The following DCAF8L2 variants were observed in gnomAD, a reference collection of about 807,000 sequenced individuals.
DCAF8L2 encodes the protein DDB1 and CUL4 associated factor 8 like 2, also known as DDB1- and CUL4-associated factor 8-like protein 2.
For missense variants in DCAF8L2, 430 were observed against 490.7 expected, an observed-to-expected ratio of 0.88 and a Z score of 1.17; for synonymous variants, 200 against 190.9, an observed-to-expected ratio of 1.05 and a Z score of -0.39.
At chrX:27,642,182 C>T (rs959117523) in intron 2 of DCAF8L2, among the ~76,000 whole-genome samples, 4 of 110,869 alleles carry the variant, frequency 3.6e-5, no homozygotes, top group African/African-American at 1.3e-4. Context: ...CGTGAGCCAC[C>T]GTGCCTGGCC....
chrX:27,746,673 G>A, intron 4 of DCAF8L2, 165 bp from the exon 5 acceptor site: 1 of 369,477 alleles, frequency 2.7e-6, no homozygotes, highest in African/African-American at 2.5e-5. Flanking sequence ...GCGAGGCGGC[G>A]AGCAGGTAAG....
the DCAF8L2 span, among the ~76,000 whole-genome samples, chrX:27,566,687 CTTTTA>C: frequency 2.7e-5 from 3 of 110,921 alleles, no homozygotes; most frequent in East Asian, 5.7e-4. Flanking sequence ...GAAAAACCAA[CTTTTA>C]TTTTTTCTAT....
chrX:27,688,590 GTAT>G (rs745907187), intron 3 of DCAF8L2, among the ~76,000 whole-genome samples: 369 of 111,156 alleles, frequency 3.3e-3, no homozygotes, highest in African/African-American at 0.011. Flanking sequence ...CTTTTTTGTT[GTAT>G]TATTATTATT....
chrX:27,600,050 G>A (rs997532266), intron 1 of DCAF8L2, among the ~76,000 whole-genome samples: 4 of 111,879 alleles, frequency 3.6e-5, no homozygotes, highest in African/African-American at 1.3e-4. Flanking sequence ...CATGAGAGTG[G>A]TTATTTTTAT....
intron 1 of DCAF8L2, among the ~76,000 whole-genome samples, chrX:27,601,863 C>T (rs1436652466): frequency 1.8e-5 from 2 of 111,023 alleles, no homozygotes; most frequent in Non-Finnish European, 3.8e-5. Context: ...GGTACCAAGT[C>T]CTGTGTATTC....
At chrX:27,522,279 G>A in the DCAF8L2 span, among the ~76,000 whole-genome samples, 3 of 111,842 alleles carry the variant, frequency 2.7e-5, no homozygotes, top group Admixed American at 1.9e-4. Context: ...CGCCTGCCTC[G>A]GCCTCCCAAA....
At chrX:27,694,142 A>T (rs1231444126) in intron 3 of DCAF8L2, among the ~76,000 whole-genome samples, 1 of 111,525 alleles carries the variant, frequency 9.0e-6, no homozygotes, top group African/African-American at 3.3e-5. Flanking sequence ...TCTCAACTAT[A>T]AGTGGAAGCT....
At chrX:27,564,944 A>T in the DCAF8L2 span, among the ~76,000 whole-genome samples, 882 of 109,801 alleles carry the variant, frequency 8.0e-3, 5 homozygotes, top group African/African-American at 0.028. Flanking sequence ...ATCCCAAAGT[A>T]CTGGGATTAT....
chrX:27,483,366 A>G, the DCAF8L2 span, among the ~76,000 whole-genome samples: 7 of 112,090 alleles, frequency 6.2e-5, no homozygotes, highest in African/African-American at 2.3e-4. Flanking sequence ...GTAGTAAATG[A>G]ATAAAAGTAG....
chrX:27,524,229 G>T, the DCAF8L2 span, among the ~76,000 whole-genome samples: 1 of 111,524 alleles, frequency 9.0e-6, no homozygotes, highest in Non-Finnish European at 1.9e-5. Context: ...TCTATTCAGG[G>T]ATTCAACTTC....
chrX:27,481,563 A>G, the DCAF8L2 span, among the ~76,000 whole-genome samples: 9 of 111,382 alleles, frequency 8.1e-5, no homozygotes, highest in African/African-American at 2.9e-4. Flanking sequence ...TATAATAGCC[A>G]AAAGGCTATT....
intron 2 of DCAF8L2, among the ~76,000 whole-genome samples, chrX:27,665,691 C>A (rs1929716000): frequency 9.0e-6 from 1 of 111,316 alleles, no homozygotes; most frequent in African/African-American, 3.3e-5. Flanking sequence ...ATTACCATAG[C>A]CACCCCAACC....
chrX:27,688,354 A>G (rs889340411), intron 3 of DCAF8L2, among the ~76,000 whole-genome samples: 15 of 112,055 alleles, frequency 1.3e-4, no homozygotes, highest in African/African-American at 4.5e-4. Flanking sequence ...CACCTAAGCA[A>G]GTCAAGGGAA....
chrX:27,585,230 G>A, the DCAF8L2 span, among the ~76,000 whole-genome samples: 11 of 110,708 alleles, frequency 9.9e-5, no homozygotes, highest in East Asian at 3.1e-3. Context: ...TTAATTTCAT[G>A]GAGTTTTATG....
rs941707922 is a variant in DCAF8L2 at position 27,724,990 on chromosome X, A to G, written c.-59+8819A>G. Among the ~76,000 whole-genome samples the G allele has an allele frequency of 9.0e-5, 10 of 111,576 alleles. No individual in the cohort carries two copies. In the East Asian group the frequency reaches 1.9e-3, roughly 22 times the overall value. Reference sequence around the variant, plus strand: ...AATATTTAAACATATTTGACTCTAAATAATTATTACAGAAAACAAATAAAA... The same window carrying G: ...AATATTTAAACATATTTGACTCTAAGTAATTATTACAGAAAACAAATAAAA... On this transcript the variant is annotated intron_variant, in intron 4 of 4. Coordinates refer to ENST00000451261, the MANE Select transcript of DCAF8L2 (RefSeq NM_001353450.2).
At chrX:27,577,478 T>A in the DCAF8L2 span, among the ~76,000 whole-genome samples, 4 of 111,739 alleles carry the variant, frequency 3.6e-5, no homozygotes, top group Admixed American at 2.9e-4. Flanking sequence ...GATTACTACA[T>A]AATATAATAA....
At chrX:27,516,822 T>C in the DCAF8L2 span, among the ~76,000 whole-genome samples, 5 of 112,014 alleles carry the variant, frequency 4.5e-5, no homozygotes, top group Non-Finnish European at 9.4e-5. Flanking sequence ...ACTGACGTTT[T>C]TATATGCTGC....
At chrX:27,709,314 T>C (rs1480387951) in intron 3 of DCAF8L2, among the ~76,000 whole-genome samples, 1 of 112,899 alleles carries the variant, frequency 8.9e-6, no homozygotes, top group African/African-American at 3.2e-5. Flanking sequence ...TTTGTGTTTG[T>C]ATTTTCCGTA....
intron 2 of DCAF8L2, chrX:27,632,344 T>A (rs993114888): frequency 1.8e-5 from 2 of 111,288 alleles, no homozygotes; most frequent in East Asian, 5.7e-4. Context: ...CTCCCCAGTA[T>A]GGTCCATTTA....
Sources: gnomAD v4.1 joint callset for allele counts (sites outside exome capture counted in the v4.1 genomes callset) on GRCh38, gnomAD v4.1.1 for gene constraint, MANE v1.5 for transcripts, NCBI Gene and HGNC (gene_info 2026-07-23, HGNC 2026-07-21) for gene names.